The following RBM33 variants were observed in gnomAD, a reference collection of about 807,000 sequenced individuals.
The protein encoded by RBM33 is RNA binding motif protein 33, also known as RNA-binding protein 33.
Under a neutral mutation model 132.6 loss-of-function variants are expected in RBM33, and 28 were observed. The observed-to-expected ratio is 0.21, with a 90% CI of 0.16 to 0.29. The LOEUF (loss-of-function observed/expected upper bound fraction) is 0.29. RBM33 is among the 10% of genes least tolerant of loss of function. The pLI is 1.00. For synonymous variants in RBM33, 634 were observed against 593.0 expected, an observed-to-expected ratio of 1.07 and a Z score of -1.01; for missense variants, 1,291 against 1,518.5, an observed-to-expected ratio of 0.85 and a Z score of 2.49.
At chr7:155,646,989 C>A (rs1798216556) in intron 1 of RBM33, among the ~76,000 whole-genome samples, 1 of 152,192 alleles carries the variant, frequency 6.6e-6, no homozygotes, top group South Asian at 2.1e-4. Context: ...ACGTGATTTA[C>A]CTGTGTAACT....
At chr7:155,657,858 T>G (rs905507754) in intron 1 of RBM33, among the ~76,000 whole-genome samples, 5 of 113,678 alleles carry the variant, frequency 4.4e-5, no homozygotes, top group African/African-American at 1.3e-4. Flanking sequence ...TTTGATGTTT[T>G]AAAATTCATT....
intron 5 of RBM33, among the ~76,000 whole-genome samples, chr7:155,685,850 A>G (rs1386949197): frequency 1.3e-5 from 2 of 152,342 alleles, no homozygotes; most frequent in East Asian, 1.9e-4. Flanking sequence ...GAAAACTGAT[A>G]TTTACTGGCT....
chr7:155,695,151 T>C (rs898920957), intron 5 of RBM33, among the ~76,000 whole-genome samples: 4 of 152,214 alleles, frequency 2.6e-5, no homozygotes, highest in African/African-American at 4.8e-5. Context: ...CACCATTCCA[T>C]GTGCGATTGG....
At chr7:155,771,678 A>G (rs1244792142) in intron 16 of RBM33, among the ~76,000 whole-genome samples, 1 of 152,220 alleles carries the variant, frequency 6.6e-6, no homozygotes, top group Non-Finnish European at 1.5e-5. Flanking sequence ...ACATATATCT[A>G]GAAATGTTAT....
At chr7:155,727,342 A>C (rs1160924583) in intron 9 of RBM33, among the ~76,000 whole-genome samples, 1 of 152,166 alleles carries the variant, frequency 6.6e-6, no homozygotes, top group East Asian at 1.9e-4. Context: ...ATAAGTTGGA[A>C]TATGTAGTTT....
intron 3 of RBM33, among the ~76,000 whole-genome samples, chr7:155,673,963 T>TTTTTTTTTTTTTTTTTTTTTTTTTTTTTG (rs1799102294): frequency 7.8e-6 from 1 of 128,538 alleles, no homozygotes; most frequent in Admixed American, 7.8e-5. Flanking sequence ...TTTTTTTTTT[T>TTTTTTTTTTTTTTTTTTTTTTTTTTTTTG]TTTTTTTTTG....
At chr7:155,705,719 G>A (rs1332055742) in intron 6 of RBM33, among the ~76,000 whole-genome samples, 1 of 152,196 alleles carries the variant, frequency 6.6e-6, no homozygotes, top group East Asian at 1.9e-4. Context: ...GACCATATGT[G>A]GCTAAATCAT....
At chr7:155,760,245 G>T (rs1322995724) in intron 14 of RBM33, among the ~76,000 whole-genome samples, 1 of 152,198 alleles carries the variant, frequency 6.6e-6, no homozygotes, top group Non-Finnish European at 1.5e-5. Context: ...GTTGTGGTCG[G>T]CATCCTTGGA....
intron 9 of RBM33, among the ~76,000 whole-genome samples, chr7:155,722,893 T>C (rs1354660802): frequency 1.3e-5 from 2 of 152,250 alleles, no homozygotes; most frequent in Non-Finnish European, 2.9e-5. Flanking sequence ...CAAATAGTGA[T>C]ATTTCAGTTA....
intron 14 of RBM33, among the ~76,000 whole-genome samples, chr7:155,758,457 G>A (rs990406167): frequency 1.2e-4 from 18 of 152,104 alleles, no homozygotes; most frequent in South Asian, 4.2e-4. Context: ...TAGATCCCTC[G>A]CGTGGGCAGT....
intron 8 of RBM33, among the ~76,000 whole-genome samples, chr7:155,715,926 GCA>G (rs1563157695): frequency 6.6e-6 from 1 of 152,112 alleles, no homozygotes; most frequent in Non-Finnish European, 1.5e-5. Flanking sequence ...TCTTCTGATG[GCA>G]CAGACTTTCT....
chr7:155,664,004 T>A (rs1798727123), intron 1 of RBM33, among the ~76,000 whole-genome samples: 1 of 152,192 alleles, frequency 6.6e-6, no homozygotes, highest in Non-Finnish European at 1.5e-5. Context: ...AGATAATAGC[T>A]TCATTTTTAC....
In RBM33 at chr7:155,745,799, G is replaced by A; in HGVS notation, c.2979+197G>A. 1 of 610,228 alleles carries A rather than the reference G, an allele frequency of 1.6e-6. No individual in the cohort carries two copies. Among genetic ancestry groups the A allele is most frequent in the South Asian group, 2.1e-5 (1 of 48,160 alleles). 37.8% of individuals were successfully genotyped at this position (610,228 alleles called of 1,614,324 possible). ...TACATTCTCAGAAATGTGTTGTTAG[G>A]CGATTTTGTCATTGTCTGAACGTGC... On this transcript the variant is annotated intron_variant, in intron 14 of 17. Coordinates refer to ENST00000401878, the MANE Select transcript of RBM33 (RefSeq NM_053043.3). The surrounding 1 kb of genome is among the most constrained non-coding windows in gnomAD (Gnocchi z 4.1).
At chr7:155,704,187 A>G (rs987811529) in intron 6 of RBM33, among the ~76,000 whole-genome samples, 1 of 152,314 alleles carries the variant, frequency 6.6e-6, no homozygotes, top group Non-Finnish European at 1.5e-5. Flanking sequence ...TTTTATGCAC[A>G]GTTGTTGATT....
rs1487998348 is a variant in RBM33, at chr7:155,739,752, CTCAGCCTCAGCA to C, written c.1776_1787del (p.Gln593_Gln596del). ...CCTCCATTGCCCCCTCCGCATCAGC[CTCAGCCTCAGCA>C]ACCTCAGCAACAGCCCCCGCCACAG... On this transcript the variant is annotated inframe_deletion, in exon 12 of 18. Coordinates refer to ENST00000401878, the MANE Select transcript of RBM33 (RefSeq NM_053043.3). 3.2e-6 allele frequency: 5 copies of C among 1,547,356 alleles called. No individual in the cohort carries two copies. The African/African-American group carries it at 6.9e-5, about 21-fold the overall frequency.
chr7:155,690,871 C>T (rs1799619098), intron 5 of RBM33, among the ~76,000 whole-genome samples: 1 of 152,114 alleles, frequency 6.6e-6, no homozygotes, highest in Admixed American at 6.5e-5. Flanking sequence ...TTGTGGGTAA[C>T]CCGACCTTTC....
intron 5 of RBM33, among the ~76,000 whole-genome samples, chr7:155,692,105 G>C (rs1019968940): frequency 6.6e-6 from 1 of 151,734 alleles, no homozygotes; most frequent in African/African-American, 2.4e-5. Flanking sequence ...TCTCTTGTGT[G>C]GGGGAGGAGG....
chr7:155,732,808 G>T (rs1800994942), intron 9 of RBM33, among the ~76,000 whole-genome samples: 1 of 152,200 alleles, frequency 6.6e-6, no homozygotes, highest in Non-Finnish European at 1.5e-5. Flanking sequence ...GTGCTCAGAG[G>T]TGTGAAGTTA....
At chr7:155,661,534 A>G (rs1044672194) in intron 1 of RBM33, among the ~76,000 whole-genome samples, 1 of 151,212 alleles carries the variant, frequency 6.6e-6, no homozygotes, top group Admixed American at 6.6e-5. Flanking sequence ...CAGCCTCCCG[A>G]GTAGCCGGGA....
Sources: allele counts gnomAD v4.1 joint callset (sites outside exome capture counted in the v4.1 genomes callset), GRCh38; gene constraint gnomAD v4.1.1; non-coding constraint Gnocchi (gnomAD v3.1); transcripts MANE v1.5; gene names NCBI Gene and HGNC (gene_info 2026-07-23, HGNC 2026-07-21).